The following PDZD2 variants were observed in gnomAD, a reference collection of about 807,000 sequenced individuals.
PDZD2 encodes PDZ domain containing 2.
In PDZD2, 90 loss-of-function variants were observed where a neutral mutation model predicts 220.7. The observed-to-expected ratio is 0.41, with a 90% confidence interval of 0.34 to 0.49. PDZD2 has a LOEUF of 0.49. Ranked by LOEUF, PDZD2 falls within the 20% of genes least tolerant of loss-of-function variation. The pLI, the probability that PDZD2 is intolerant of heterozygous loss-of-function variation, is 0.28. For synonymous variants in PDZD2, 1,375 were observed against 1,450.5 expected, an observed-to-expected ratio of 0.95 and a Z score of 1.18; for missense variants, 3,174 against 3,608.5, an observed-to-expected ratio of 0.88 and a Z score of 3.08.
chr5:31,991,408 C>T (rs1314163244), intron 3 of PDZD2, among the ~76,000 whole-genome samples: 1 of 152,086 alleles, frequency 6.6e-6, no homozygotes, highest in Non-Finnish European at 1.5e-5. Flanking sequence ...GCTCGTGGTT[C>T]AGATGTGGGA....
At chr5:31,645,823 C>T (rs899495667) in intron 1 of PDZD2, among the ~76,000 whole-genome samples, 5 of 152,052 alleles carry the variant, frequency 3.3e-5, no homozygotes, top group Non-Finnish European at 5.9e-5. Flanking sequence ...CAGGGGCACG[C>T]TTTGTGCTGT....
chr5:31,793,117 C>T (rs565068699), intron 1 of PDZD2, among the ~76,000 whole-genome samples: 31 of 152,214 alleles, frequency 2.0e-4, no homozygotes, highest in Non-Finnish European at 4.0e-4. Context: ...GGATTACAGG[C>T]GTGAGCCACT....
chr5:31,771,470 T>G (rs1752334868), intron 1 of PDZD2, among the ~76,000 whole-genome samples: 1 of 152,128 alleles, frequency 6.6e-6, no homozygotes, highest in African/African-American at 2.4e-5. Flanking sequence ...TAGATTTGCA[T>G]TGTGTGTGCA....
At chr5:31,914,803 T>G (rs966571998) in intron 2 of PDZD2, among the ~76,000 whole-genome samples, 2 of 152,218 alleles carry the variant, frequency 1.3e-5, no homozygotes, top group African/African-American at 4.8e-5. Flanking sequence ...GGACCACTTC[T>G]TAACACAGAA....
At chr5:31,853,443 G>A (rs1035406135) in intron 2 of PDZD2, among the ~76,000 whole-genome samples, 3 of 152,136 alleles carry the variant, frequency 2.0e-5, no homozygotes, top group African/African-American at 7.2e-5. Context: ...GACACTCCTT[G>A]CCTGTTTCTG....
chr5:31,849,903 T>TACATATATATATATATAC lies in PDZD2; in HGVS notation c.476+50194_476+50195insTACACATATATATATATA, dbSNP rs1757838569. Among the ~76,000 whole-genome samples the TACATATATATATATATAC allele has an allele frequency of 7.8e-5, 2 of 25,676 alleles. 1 individual carries two copies. Among genetic ancestry groups the TACATATATATATATATAC allele is most frequent in the African/African-American group, 4.5e-4 (2 of 4,482 alleles). The allele number at this position is 25,676 out of a possible 152,430, so 16.8% of individuals were successfully genotyped here. The stretch of plus-strand genomic sequence containing the variant: ...ATATATATATACACATATATATATA[T>TACATATATATATATATAC]ACATATATATATATACATATATATA... On this transcript the variant is annotated intron_variant, in intron 2 of 24. Transcript: ENST00000438447.
At position 32,055,918 on chromosome 5, in the gene PDZD2, A is replaced by G. The variant is rs146846666; in HGVS notation, c.1901-1737A>G. ...CCATGTGTTCACTTAATTGAAACTCATCCTGCAAGGCTGGTAAAATGGAGC... is the reference window on the plus strand; with the variant it reads ...CCATGTGTTCACTTAATTGAAACTCGTCCTGCAAGGCTGGTAAAATGGAGC... On this transcript the variant is annotated intron_variant, in intron 10 of 24. Coordinates refer to ENST00000438447, the MANE Select transcript of PDZD2 (RefSeq NM_178140.4). Among the ~76,000 whole-genome samples the G allele has an allele frequency of 8.5e-5, 13 of 152,348 alleles. 1 individual carries two copies. The highest frequency in any genetic ancestry group is 3.1e-4 in the African/African-American group (13 of 41,576).
chr5:31,761,592 G>T (rs1751658788), intron 1 of PDZD2, among the ~76,000 whole-genome samples: 1 of 152,080 alleles, frequency 6.6e-6, no homozygotes, highest in Non-Finnish European at 1.5e-5. Context: ...CAGGCACAGT[G>T]GCTCATGCCT....
chr5:31,946,245 T>G (rs932057186), intron 2 of PDZD2, among the ~76,000 whole-genome samples: 2 of 152,216 alleles, frequency 1.3e-5, no homozygotes, highest in Non-Finnish European at 2.9e-5. Context: ...TCAAGTGCTC[T>G]GCCTGCCTCG....
intron 1 of PDZD2, among the ~76,000 whole-genome samples, chr5:31,772,857 A>C (rs1431992202): frequency 2.0e-5 from 3 of 151,146 alleles, no homozygotes; most frequent in African/African-American, 7.3e-5. Flanking sequence ...TCTGCAGCTC[A>C]ACTGAGTAAC....
At chr5:32,014,307 C>T (rs1021794332) in intron 6 of PDZD2, among the ~76,000 whole-genome samples, 4 of 152,160 alleles carry the variant, frequency 2.6e-5, no homozygotes, top group Non-Finnish European at 5.9e-5. Context: ...GAGGATCTGC[C>T]ATGCGTCCCC....
At chr5:32,009,694 T>G (rs1581267127) in intron 5 of PDZD2, among the ~76,000 whole-genome samples, 2 of 151,942 alleles carry the variant, frequency 1.3e-5, no homozygotes, top group African/African-American at 4.8e-5. Context: ...ATTGCACCAC[T>G]GCACTCAGCC....
chr5:31,844,300 A>G (rs1757477435), intron 2 of PDZD2, among the ~76,000 whole-genome samples: 1 of 152,186 alleles, frequency 6.6e-6, no homozygotes, highest in African/African-American at 2.4e-5. Context: ...ATGGAGTGAG[A>G]GATGTTAGGC....
intron 2 of PDZD2, among the ~76,000 whole-genome samples, chr5:31,970,041 G>A (rs575741803): frequency 1.3e-5 from 2 of 152,082 alleles, no homozygotes; most frequent in Admixed American, 1.3e-4. Context: ...TGGGATTATA[G>A]GCATGCACCA....
At chr5:32,078,797 C>T (rs1374565476) in intron 19 of PDZD2, among the ~76,000 whole-genome samples, 1 of 140,720 alleles carries the variant, frequency 7.1e-6, no homozygotes, top group Non-Finnish European at 1.5e-5. Flanking sequence ...AGAACTAGAC[C>T]CAATCTCTGG....
intron 2 of PDZD2, among the ~76,000 whole-genome samples, chr5:31,853,810 G>A (rs1343368097): frequency 6.6e-6 from 1 of 152,174 alleles, no homozygotes; most frequent in Non-Finnish European, 1.5e-5. Context: ...ACCCCAAGGA[G>A]TGGAGTGTGT....
intron 1 of PDZD2, among the ~76,000 whole-genome samples, chr5:31,753,990 T>C (rs1435536798): frequency 3.9e-5 from 6 of 152,240 alleles, no homozygotes; most frequent in Admixed American, 1.3e-4. Context: ...ACTATCATTA[T>C]TGTAAGCCCG....
At chr5:31,938,319 A>C (rs1327330529) in intron 2 of PDZD2, among the ~76,000 whole-genome samples, 1 of 152,184 alleles carries the variant, frequency 6.6e-6, no homozygotes, top group Non-Finnish European at 1.5e-5. Flanking sequence ...TTGTTTGGGA[A>C]ACTGATTTTA....
chr5:32,067,419 T>C (rs1238115102), intron 14 of PDZD2, among the ~76,000 whole-genome samples: 4 of 152,224 alleles, frequency 2.6e-5, no homozygotes, highest in Admixed American at 2.6e-4. Context: ...TATAAAATTA[T>C]TCTCTACTAT....
Sources: allele counts gnomAD v4.1 joint callset (sites outside exome capture counted in the v4.1 genomes callset), GRCh38; gene constraint gnomAD v4.1.1; transcripts MANE v1.5; gene names NCBI Gene and HGNC (gene_info 2026-07-23, HGNC 2026-07-21).